Variants in PIK3AP1 observed in about 807,000 individuals in gnomAD.
PIK3AP1 encodes the protein phosphoinositide-3-kinase adaptor protein 1, also known as phosphoinositide 3-kinase adapter protein 1.
Under a neutral mutation model 88.1 loss-of-function variants are expected in PIK3AP1, and 21 were observed. That is an observed-to-expected ratio of 0.24 (90% CI 0.17 to 0.34). PIK3AP1 has a LOEUF of 0.34. Among genes scored for constraint, PIK3AP1 ranks in the 10% least tolerant of loss-of-function variants. PIK3AP1 has a pLI of 1.00. For missense variants in PIK3AP1, 828 were observed against 1,035.7 expected (o/e 0.80, Z 2.75); for synonymous variants, 398 against 400.0 (o/e 1.00, Z 0.06).
At chr10:96,627,443 T>C (rs898699822) in intron 9 of PIK3AP1, among the ~76,000 whole-genome samples, 1 of 152,230 alleles carries the variant, frequency 6.6e-6, no homozygotes, top group Admixed American at 6.5e-5. Context: ...ACTGCTCTTG[T>C]GACATGAAAG....
chr10:96,696,917 G>T (rs1844228955), intron 2 of PIK3AP1, among the ~76,000 whole-genome samples: 1 of 152,186 alleles, frequency 6.6e-6, no homozygotes, highest in African/African-American at 2.4e-5. Context: ...GTAATGAAAT[G>T]CAAGGTATGT....
At position 96,687,608 on chromosome 10, in the gene PIK3AP1, G is replaced by T. The variant is rs571505837; in HGVS notation, c.430+21959C>A. On this transcript the variant is annotated intron_variant, in intron 2 of 16. Transcript: ENST00000339364. ...CCCACGCTCAAAATCTTATCTTCTT[G>T]TCCCGCTTTCTCTATTTTTCCCATT... Among the ~76,000 whole-genome samples the T allele has an allele frequency of 2.0e-5, 3 of 152,166 alleles. No individual in the cohort carries two copies. The East Asian group carries it at 5.8e-4, about 29-fold the overall frequency.
chr10:96,675,099 A>G (rs936536562), intron 2 of PIK3AP1, among the ~76,000 whole-genome samples: 24 of 152,016 alleles, frequency 1.6e-4, no homozygotes. Context: ...CACCATGTTG[A>G]CCAGGCTGGC....
intron 2 of PIK3AP1, among the ~76,000 whole-genome samples, chr10:96,671,901 C>T (rs1333439522): frequency 6.6e-6 from 1 of 151,964 alleles, no homozygotes; most frequent in African/African-American, 2.4e-5. Flanking sequence ...TTTAGTCAGG[C>T]ATGGTGCACG....
At position 96,651,330 on chromosome 10, in the gene PIK3AP1, G is replaced by C; in HGVS notation, c.906C>G (p.Thr302=). Residue 302 remains threonine (T), a synonymous_variant, in exon 6 of 17, where the codon ACC becomes ACG. Transcript: ENST00000339364. ...YNTETLDKLL[T]ESLKNNIPAS... ...CAGGGATATTGTTCTTCAGGGATTC[G>C]GTTAGCAGTTTATCAAGGGTCTCTG... is the stretch of plus-strand genomic sequence containing the variant. 1 of 1,614,116 alleles carries C rather than the reference G, an allele frequency of 6.2e-7. No homozygotes were observed. The highest frequency in any genetic ancestry group is 1.1e-5 in the South Asian group (1 of 91,080).
At chr10:96,596,373 C>T (rs1283265693) in intron 16 of PIK3AP1, among the ~76,000 whole-genome samples, 2 of 152,234 alleles carry the variant, frequency 1.3e-5, no homozygotes, top group African/African-American at 4.8e-5. Context: ...GATGCTTCCC[C>T]ATGTAGCCCC....
intron 2 of PIK3AP1, among the ~76,000 whole-genome samples, chr10:96,670,032 G>A (rs932474330): frequency 4.0e-5 from 6 of 151,620 alleles, no homozygotes; most frequent in South Asian, 2.1e-4. Context: ...AAAATTAGCC[G>A]GGCGTGGTGG....
chr10:96,621,034 A>C lies in PIK3AP1; in HGVS notation c.1736-477T>G, dbSNP rs777819919. 117 of 164,272 alleles carry C rather than the reference A, an allele frequency of 7.1e-4. 1 individual carries two copies. Among genetic ancestry groups the C allele is most frequent in the Non-Finnish European group, 9.8e-4 (73 of 74,436 alleles). The allele number at this position is 164,272 out of a possible 1,614,324, so 10.2% of individuals were successfully genotyped here. On this transcript the variant is annotated intron_variant, in intron 11 of 16. Coordinates refer to ENST00000339364, the MANE Select transcript of PIK3AP1 (RefSeq NM_152309.3). ...CTAGCAGTCTTAGAGATGGCATCAA[A>C]GGTGGCCCAGGGTGGCAGTGCGGTC...
chr10:96,627,974 C>A (rs1381102842), intron 9 of PIK3AP1, among the ~76,000 whole-genome samples: 2 of 152,150 alleles, frequency 1.3e-5, no homozygotes, highest in African/African-American at 4.8e-5. Flanking sequence ...ACAGCCTCAA[C>A]TTAGTATCTT....
intron 8 of PIK3AP1, among the ~76,000 whole-genome samples, chr10:96,640,802 C>T (rs1295595860): frequency 6.6e-6 from 1 of 151,968 alleles, no homozygotes; most frequent in East Asian, 1.9e-4. Context: ...GGACCACAGG[C>T]ATGTGCCACC....
chr10:96,610,496 G>C (rs1295606956), intron 13 of PIK3AP1, among the ~76,000 whole-genome samples: 1 of 151,894 alleles, frequency 6.6e-6, no homozygotes, highest in East Asian at 1.9e-4. Context: ...CTTAACCACT[G>C]CTTGTACAGC....
chr10:96,636,554 G>A (rs907661259), intron 8 of PIK3AP1, among the ~76,000 whole-genome samples: 1 of 152,152 alleles, frequency 6.6e-6, no homozygotes. Flanking sequence ...TTTTGGGAGG[G>A]AAATCAGAAC....
Position 96,617,760 on chromosome 10 carries a change from T to C in PIK3AP1, c.1942-1049A>G, listed in dbSNP as rs1235215829. 3.3e-5 allele frequency among the ~76,000 whole-genome samples: 5 copies of C among 152,278 alleles called. No homozygotes were observed. The East Asian group carries it at 5.8e-4, about 18-fold the overall frequency. On this transcript the variant is annotated intron_variant, in intron 12 of 16. Coordinates refer to ENST00000339364, the MANE Select transcript of PIK3AP1 (RefSeq NM_152309.3). ...GCACGGGAGAAGGCCAAAGAGACTC[T>C]GAGGTCTGATCTCCCTCTCCTCTGT...
At chr10:96,666,727 A>G (rs964981354) in intron 2 of PIK3AP1, among the ~76,000 whole-genome samples, 1 of 151,984 alleles carries the variant, frequency 6.6e-6, no homozygotes, top group African/African-American at 2.4e-5. Flanking sequence ...CAATAGTCCT[A>G]ATCTCATTTA....
intron 8 of PIK3AP1, among the ~76,000 whole-genome samples, chr10:96,628,903 T>TAC (rs1843196383): frequency 2.9e-4 from 5 of 17,422 alleles, no homozygotes; most frequent in Admixed American, 1.6e-3. Flanking sequence ...TATATATATA[T>TAC]ATATGTGTAT....
At chr10:96,705,321 T>C (rs1844347462) in intron 2 of PIK3AP1, among the ~76,000 whole-genome samples, 1 of 152,134 alleles carries the variant, frequency 6.6e-6, no homozygotes, top group South Asian at 2.1e-4. Flanking sequence ...CAAAAGGCTG[T>C]AAAGGTCACA....
At chr10:96,696,037 C>G (rs146398284) in intron 2 of PIK3AP1, among the ~76,000 whole-genome samples, 2 of 152,170 alleles carry the variant, frequency 1.3e-5, no homozygotes, top group Non-Finnish European at 2.9e-5. Flanking sequence ...GGCATCAAGC[C>G]TCTACATAAG....
At chr10:96,608,955 A>G (rs958885096) in intron 14 of PIK3AP1, among the ~76,000 whole-genome samples, 4 of 152,198 alleles carry the variant, frequency 2.6e-5, no homozygotes, top group African/African-American at 9.7e-5. Context: ...TGTGAAGCCA[A>G]TGTGTCTGGA....
At chr10:96,677,222 G>T (rs1031360234) in intron 2 of PIK3AP1, among the ~76,000 whole-genome samples, 5 of 152,160 alleles carry the variant, frequency 3.3e-5, no homozygotes, top group Admixed American at 2.0e-4. Context: ...TAAAAGTATT[G>T]GCAAACTCAG....
Sources: gnomAD v4.1 joint callset for allele counts (sites outside exome capture counted in the v4.1 genomes callset) on GRCh38, gnomAD v4.1.1 for gene constraint, MANE v1.5 for transcripts, NCBI Gene and HGNC (gene_info 2026-07-23, HGNC 2026-07-21) for gene names.